MEF2B: variants seen among roughly 807,000 people sequenced by gnomAD.
The protein encoded by MEF2B is myocyte-specific enhancer factor 2B.
MEF2B carries 15 observed loss-of-function variants against 32.2 expected under a neutral mutation model. That is an observed-to-expected ratio of 0.47 (90% CI 0.31 to 0.72). The LOEUF (loss-of-function observed/expected upper bound fraction) is 0.72. Ranked by LOEUF, MEF2B falls within the 30% of genes least tolerant of loss-of-function variation. The pLI is 0.05. For synonymous variants in MEF2B, 205 were observed against 225.6 expected, an observed-to-expected ratio of 0.91 and a Z score of 0.82; for missense variants, 441 against 511.5, an observed-to-expected ratio of 0.86 and a Z score of 1.33.
chr19:19,157,555 C>T (rs183121531), intron 1 of MEF2B, among the ~76,000 whole-genome samples: 7 of 152,290 alleles, frequency 4.6e-5, no homozygotes, highest in Admixed American at 3.9e-4. Context: ...ACAATCAAAA[C>T]TCACTGATGC....
At position 19,146,870 on chromosome 19, in the gene MEF2B, C is replaced by T. The variant is rs1304038094; in HGVS notation, c.547G>A (p.Val183Met). ...AAPKAGPPGL[V>M]HPLFSPSHLT... Reference sequence around the variant, plus strand: ...TGGCTTGGTGAGAAGAGAGGGTGCACCAGGCCTGGGGAAGAGGAGACCCCA... The same window carrying T: ...TGGCTTGGTGAGAAGAGAGGGTGCATCAGGCCTGGGGAAGAGGAGACCCCA... The change falls in exon 6 of 9, where the codon GTG becomes ATG. Residue 183 changes from valine (V) to methionine (M), a missense_variant. Physicochemically the swap from Val to Met is conservative, Grantham distance 21 (BLOSUM62 1). Transcript: ENST00000424583. 6.2e-7 allele frequency: 1 copy of T among 1,611,834 alleles called. No individual in the cohort carries two copies. Among genetic ancestry groups the T allele is most frequent in the South Asian group, 1.1e-5 (1 of 90,992 alleles).
At chr19:19,155,391 C>T (rs1028421092) in intron 1 of MEF2B, among the ~76,000 whole-genome samples, 2 of 152,174 alleles carry the variant, frequency 1.3e-5, no homozygotes, top group African/African-American at 4.8e-5. Flanking sequence ...CACCATCCTC[C>T]TCTAGGTCAG....
intron 1 of MEF2B, among the ~76,000 whole-genome samples, chr19:19,167,248 G>C (rs751367030): frequency 2.4e-4 from 36 of 151,772 alleles, no homozygotes; most frequent in Non-Finnish European, 7.4e-5. Context: ...CTACTCAGGA[G>C]GCTAAGGCAG....
At chr19:19,153,748 C>T (rs185747368) in intron 1 of MEF2B, among the ~76,000 whole-genome samples, 3 of 151,944 alleles carry the variant, frequency 2.0e-5, no homozygotes, top group East Asian at 1.9e-4. Flanking sequence ...TGAGCCACCA[C>T]GCCTGGCCAT....
intron 1 of MEF2B, among the ~76,000 whole-genome samples, chr19:19,169,798 G>A (rs2060239191): frequency 6.6e-6 from 1 of 152,122 alleles, no homozygotes; most frequent in African/African-American, 2.4e-5. Context: ...CAGCAAGAAG[G>A]CATAGGGTTG....
chr19:19,147,823 G>A lies in MEF2B; in HGVS notation c.268C>T (p.Arg90Trp), dbSNP rs757401725. 3 of 1,613,196 alleles carry A rather than the reference G, an allele frequency of 1.9e-6. No individual in the cohort carries two copies. Among genetic ancestry groups the A allele is most frequent in the South Asian group, 1.1e-5 (1 of 91,080 alleles). Reference sequence around the variant, plus strand: ...GGCCCATCGAGGCCAATGCCCCTCCGCTTCAGCGTCTATGGGGACAGGAGA... The same window carrying A: ...GGCCCATCGAGGCCAATGCCCCTCCACTTCAGCGTCTATGGGGACAGGAGA... Reference protein sequence around the residue: ...TNTDILETLKRRGIGLDGPEL... With the variant: ...TNTDILETLKWRGIGLDGPEL... The change falls in exon 4 of 9, where the codon CGG becomes TGG. Residue 90 changes from arginine to tryptophan, a missense_variant. Coordinates refer to ENST00000424583, the MANE Select transcript of MEF2B (RefSeq NM_001145785.2).
At chr19:19,158,485 C>A (rs144247069) in intron 1 of MEF2B, among the ~76,000 whole-genome samples, 1 of 145,944 alleles carries the variant, frequency 6.9e-6, no homozygotes. Flanking sequence ...AGGCCAGGCA[C>A]GGTGGCTCAC....
rs1431904615 is a variant in MEF2B at position 19,147,118 on chromosome 19, G to T, written c.459C>A (p.Asp153Glu). 3.1e-6 allele frequency: 5 copies of T among 1,606,920 alleles called. No homozygotes were observed. Among genetic ancestry groups the T allele is most frequent in the Non-Finnish European group, 4.2e-6 (5 of 1,177,590 alleles). The change falls in exon 5 of 9, where the codon GAC becomes GAA. Residue 153 changes from aspartate (D) to glutamate (E), a missense_variant. Asp to Glu is a conservative substitution (Grantham distance 45). This residue lies in a region of MEF2B where 326 missense variants were observed against 328.4 expected (regional missense o/e 0.99). Coordinates refer to ENST00000424583, the MANE Select transcript of MEF2B (RefSeq NM_001145785.2). ...VYGALPPPGC[D>E]PSGLGEALPA... Reference sequence around the variant, plus strand: ...GCAGTGCTTCCCCAAGCCCACTGGGGTCACAGCCTGGTGGCGGTAAGGCCC... The same window carrying T: ...GCAGTGCTTCCCCAAGCCCACTGGGTTCACAGCCTGGTGGCGGTAAGGCCC...
intron 2 of MEF2B, among the ~76,000 whole-genome samples, chr19:19,150,035 AG>A: frequency 7.0e-6 from 1 of 142,088 alleles, no homozygotes; most frequent in East Asian, 2.3e-4. Flanking sequence ...CAGTGAGCCG[AG>A]ATCGCTCCAC....
intron 1 of MEF2B, among the ~76,000 whole-genome samples, chr19:19,162,406 T>C (rs1285737554): frequency 6.6e-6 from 1 of 152,232 alleles, no homozygotes; most frequent in Non-Finnish European, 1.5e-5. Flanking sequence ...GTGCTGGGAT[T>C]ACGGGTGTGA....
At chr19:19,159,034 C>T (rs895947756) in intron 1 of MEF2B, among the ~76,000 whole-genome samples, 1 of 151,074 alleles carries the variant, frequency 6.6e-6, no homozygotes, top group African/African-American at 2.4e-5. Flanking sequence ...TCCTCCTCCC[C>T]AGTTCAAGCA....
Position 19,149,449 on chromosome 19 carries a change from G to A in MEF2B, c.55-20C>T. The A allele has an allele frequency of 6.2e-7, 1 of 1,613,760 alleles. No homozygotes were observed. Among genetic ancestry groups the A allele is most frequent in the Non-Finnish European group, 8.5e-7 (1 of 1,179,768 alleles). On this transcript the variant is annotated intron_variant, in intron 2 of 8. Transcript: ENST00000424583. Reference sequence around the variant, plus strand: ...CGTCACCTGGACCCAGGACCCACAGGGGCAGGGGAGAGAAGAAGAAGAGAT... The same window carrying A: ...CGTCACCTGGACCCAGGACCCACAGAGGCAGGGGAGAGAAGAAGAAGAGAT...
chr19:19,159,837 C>A (rs558273149), intron 1 of MEF2B, among the ~76,000 whole-genome samples: 16 of 151,996 alleles, frequency 1.1e-4, no homozygotes, highest in Non-Finnish European at 2.1e-4. Flanking sequence ...GGAGGGAATC[C>A]CACCCTTCCA....
intron 1 of MEF2B, among the ~76,000 whole-genome samples, chr19:19,153,653 C>T (rs553805278): frequency 6.6e-6 from 1 of 152,072 alleles, no homozygotes; most frequent in Non-Finnish European, 1.5e-5. Context: ...GACGGGGTTT[C>T]ACCATGTTGG....
rs1247561208 is a variant in MEF2B, at chr19:19,156,024, G to A, written c.-29-5260C>T. On this transcript the variant is annotated intron_variant, in intron 1 of 8. Transcript: ENST00000424583. ...GAGAGCTTCTTGGGGGAGGAGGCATGTAGTTGGATGTAGACGCAGAGGCTG... is the reference window on the plus strand; with the variant it reads ...GAGAGCTTCTTGGGGGAGGAGGCATATAGTTGGATGTAGACGCAGAGGCTG... Among the ~76,000 whole-genome samples the A allele has an allele frequency of 2.0e-5, 3 of 152,212 alleles. No homozygotes were observed. In the East Asian group the frequency reaches 5.8e-4, roughly 29 times the overall value.
chr19:19,167,076 C>A (rs553824485), intron 1 of MEF2B, among the ~76,000 whole-genome samples: 1 of 151,244 alleles, frequency 6.6e-6, no homozygotes, highest in African/African-American at 2.4e-5. Context: ...ACAGGCTGGC[C>A]ACAGTGGCTC....
chr19:19,155,208 T>G (rs1419734741), intron 1 of MEF2B, among the ~76,000 whole-genome samples: 1 of 152,158 alleles, frequency 6.6e-6, no homozygotes, highest in Non-Finnish European at 1.5e-5. Context: ...GGCATTCAAG[T>G]CTTCTTCCCA....
intron 2 of MEF2B, 54 bp from the exon 3 acceptor site, chr19:19,149,483 G>A: frequency 6.2e-7 from 1 of 1,608,368 alleles, no homozygotes; most frequent in East Asian, 2.2e-5. Context: ...ATGAATGTGG[G>A]GTGGTGTAGG....
intron 1 of MEF2B, among the ~76,000 whole-genome samples, chr19:19,153,197 T>G (rs2060097107): frequency 6.6e-6 from 1 of 152,170 alleles, no homozygotes. Flanking sequence ...CTCAAGCCCC[T>G]TCTCACTCTG....
Sources: allele counts gnomAD v4.1 joint callset (sites outside exome capture counted in the v4.1 genomes callset), GRCh38; gene constraint gnomAD v4.1.1; regional missense constraint gnomAD v4.1.1; transcripts MANE v1.5; gene names NCBI Gene and HGNC (gene_info 2026-07-23, HGNC 2026-07-21).